The following PAQR5 variants were observed in gnomAD, a reference collection of about 807,000 sequenced individuals.
The protein encoded by PAQR5 is membrane progestin receptor gamma.
Under a neutral mutation model 34.5 loss-of-function variants are expected in PAQR5, and 20 were observed. That is an observed-to-expected ratio of 0.58 (90% CI 0.41 to 0.84). PAQR5 has a LOEUF of 0.84. PAQR5 is among the 40% of genes least tolerant of loss of function. The probability of loss-of-function intolerance (pLI) is 0.00; values close to 1 mark genes in which losing one functional copy is unlikely to be tolerated. For synonymous variants in PAQR5, 131 were observed against 155.6 expected (o/e 0.84, Z 1.18); for missense variants, 378 against 412.7 (o/e 0.92, Z 0.73).
chr15:69,323,965 A>T (rs1217809588), intron 1 of PAQR5, among the ~76,000 whole-genome samples: 2 of 152,156 alleles, frequency 1.3e-5, no homozygotes, highest in South Asian at 4.1e-4. Context: ...CCCACGGTAC[A>T]GTTTTGCATG....
Position 69,324,039 on chromosome 15 carries a change from C to T in PAQR5, c.-276-13302C>T, listed in dbSNP as rs558450508. ...AATGTGGATTGTTTTCCATTTTTCT[C>T]TGCAATGTGCTAGGGAATATCATTC... On this transcript the variant is annotated intron_variant, in intron 1 of 8. Coordinates refer to ENST00000395407, the MANE Select transcript of PAQR5 (RefSeq NM_017705.4). Among the ~76,000 whole-genome samples the T allele has an allele frequency of 4.6e-4, 69 of 150,090 alleles. 1 individual carries two copies. The highest frequency in any genetic ancestry group is 1.5e-3 in the African/African-American group (62 of 40,856).
chr15:69,349,099 C>T (rs1177294102), intron 2 of PAQR5, among the ~76,000 whole-genome samples: 2 of 151,916 alleles, frequency 1.3e-5, no homozygotes, highest in Admixed American at 6.6e-5. Flanking sequence ...GCTTGTGAGT[C>T]GGTGGACTGC....
Position 69,305,281 on chromosome 15 carries a change from A to G in PAQR5, c.-277+6225A>G, listed in dbSNP as rs181201335. Among the ~76,000 whole-genome samples the G allele has an allele frequency of 1.2e-4, 18 of 151,822 alleles. No individual in the cohort carries two copies. The East Asian group carries it at 3.5e-3, about 30-fold the overall frequency. ...CGGGGACACTCCATCTCTGGTTGAG[A>G]CCCCTGGGATCAATGATCTATGAAG... On this transcript the variant is annotated intron_variant, in intron 1 of 8. Coordinates refer to ENST00000395407, the MANE Select transcript of PAQR5 (RefSeq NM_017705.4).
chr15:69,379,082 T>C (rs1346895583), intron 3 of PAQR5, among the ~76,000 whole-genome samples: 1 of 152,230 alleles, frequency 6.6e-6, no homozygotes, highest in Non-Finnish European at 1.5e-5. Context: ...GTAAACTTCA[T>C]TTTCCCAAGC....
In PAQR5 at chr15:69,407,368, A is replaced by T. The variant is rs1217838423; in HGVS notation, c.*3546A>T. The T allele has an allele frequency of 6.6e-6, 1 of 152,206 alleles. No individual in the cohort carries two copies. Among genetic ancestry groups the T allele is most frequent in the Non-Finnish European group, 1.5e-5 (1 of 68,062 alleles). 9.4% of individuals were successfully genotyped at this position (152,206 alleles called of 1,614,324 possible). On this transcript the variant is annotated 3_prime_UTR_variant, in exon 9 of 9. Coordinates refer to ENST00000395407, the MANE Select transcript of PAQR5 (RefSeq NM_017705.4). ...GGCTTAGAATTCCTGAATTCAAGTGATTTGTCTGCCTCAGGCTCCCAAAGT... is the reference window on the plus strand; with the variant it reads ...GGCTTAGAATTCCTGAATTCAAGTGTTTTGTCTGCCTCAGGCTCCCAAAGT...
At chr15:69,365,277 TTG>T (rs2055371531) in intron 3 of PAQR5, among the ~76,000 whole-genome samples, 1 of 151,690 alleles carries the variant, frequency 6.6e-6, no homozygotes, top group Non-Finnish European at 1.5e-5. Flanking sequence ...TGGCTAATTT[TTG>T]TATTTTTTAA....
intron 1 of PAQR5, among the ~76,000 whole-genome samples, chr15:69,333,321 G>A (rs1270560015): frequency 6.6e-6 from 1 of 152,130 alleles, no homozygotes; most frequent in Non-Finnish European, 1.5e-5. Context: ...GCTCTGTTCT[G>A]TTTTTCACTG....
intron 2 of PAQR5, among the ~76,000 whole-genome samples, chr15:69,341,157 A>T (rs1030759857): frequency 1.3e-5 from 2 of 151,680 alleles, no homozygotes; most frequent in African/African-American, 4.8e-5. Context: ...TATCCCTTAA[A>T]CACTAATTCC....
At position 69,300,940 on chromosome 15, in the gene PAQR5, T is replaced by TCTTTCC. The variant is rs1555411138; in HGVS notation, c.-277+1884_-277+1885insCTTTCC. Among the ~76,000 whole-genome samples the TCTTTCC allele has an allele frequency of 2.2e-4, 8 of 35,566 alleles. 3 individuals are homozygous for TCTTTCC. Among genetic ancestry groups the TCTTTCC allele is most frequent in the Non-Finnish European group, 4.2e-4 (7 of 16,504 alleles). 23.3% of individuals were successfully genotyped at this position (35,566 alleles called of 152,430 possible). ...TTCTCTCTCTCTCTCTCTCTCTCTC[T>TCTTTCC]TTCTTTCCTTCTTTCTTTCTTTCTT... On this transcript the variant is annotated intron_variant, in intron 1 of 8. Transcript: ENST00000395407.
intron 1 of PAQR5, among the ~76,000 whole-genome samples, chr15:69,328,917 C>A (rs1373558105): frequency 6.6e-6 from 1 of 152,234 alleles, no homozygotes; most frequent in Non-Finnish European, 1.5e-5. Flanking sequence ...AGCCACCGGA[C>A]CAGTTTCCAG....
At chr15:69,345,190 G>A (rs139329513) in intron 2 of PAQR5, among the ~76,000 whole-genome samples, 3 of 152,058 alleles carry the variant, frequency 2.0e-5, no homozygotes, top group East Asian at 1.9e-4. Flanking sequence ...CAGTGGAAAA[G>A]CTATTTTAAA....
chr15:69,324,927 C>T (rs367706497), intron 1 of PAQR5, among the ~76,000 whole-genome samples: 6 of 145,274 alleles, frequency 4.1e-5, no homozygotes, highest in African/African-American at 1.5e-4. Flanking sequence ...GAGGTAGAGT[C>T]TTGCTCTGTT....
At chr15:69,319,474 G>T (rs2054044647) in intron 1 of PAQR5, among the ~76,000 whole-genome samples, 1 of 151,696 alleles carries the variant, frequency 6.6e-6, no homozygotes, top group Admixed American at 6.6e-5. Context: ...GCTGAGCATG[G>T]GACTCACCAC....
In PAQR5 at chr15:69,339,168, A is replaced by ACCCCCCCCCCCCCC. The variant is rs111647955; in HGVS notation, c.-116+1668_-116+1669insCCCCCCCCCCCCCC. Among the ~76,000 whole-genome samples, 62 of 134,040 alleles carry ACCCCCCCCCCCCCC rather than the reference A, an allele frequency of 4.6e-4. 6 individuals are homozygous for ACCCCCCCCCCCCCC. Among genetic ancestry groups the ACCCCCCCCCCCCCC allele is most frequent in the Non-Finnish European group, 8.1e-4 (49 of 60,286 alleles). 87.9% of individuals were successfully genotyped at this position (134,040 alleles called of 152,430 possible). ...AGTCACCACTCCTGGCCCACTGGCTACACCCCCCACCCCGCCACCAAGTTA... is the reference window on the plus strand; with the variant it reads ...AGTCACCACTCCTGGCCCACTGGCTACCCCCCCCCCCCCCCACCCCCCACCCCGCCACCAAGTTA... On this transcript the variant is annotated intron_variant, in intron 2 of 8. Transcript: ENST00000395407.
intron 1 of PAQR5, among the ~76,000 whole-genome samples, chr15:69,322,646 C>G (rs1251496743): frequency 2.3e-5 from 2 of 87,718 alleles, no homozygotes; most frequent in Non-Finnish European, 3.9e-5. Flanking sequence ...CAGAGTGAGA[C>G]CCTGTCTCAA....
intron 1 of PAQR5, among the ~76,000 whole-genome samples, chr15:69,334,296 G>A (rs1169478466): frequency 6.6e-6 from 1 of 152,142 alleles, no homozygotes; most frequent in African/African-American, 2.4e-5. Flanking sequence ...CCAAAGTGCT[G>A]GGATAACAGG....
At chr15:69,381,289 A>G (rs1354696877) in intron 4 of PAQR5, among the ~76,000 whole-genome samples, 1 of 151,984 alleles carries the variant, frequency 6.6e-6, no homozygotes, top group Non-Finnish European at 1.5e-5. Flanking sequence ...TTTCTGGGGG[A>G]CCCAGGAGCA....
chr15:69,328,333 T>C (rs916515623), intron 1 of PAQR5, among the ~76,000 whole-genome samples: 4 of 152,244 alleles, frequency 2.6e-5, no homozygotes, highest in Admixed American at 6.5e-5. Context: ...AGACCAAGGC[T>C]GAGAAAGTTA....
intron 3 of PAQR5, among the ~76,000 whole-genome samples, chr15:69,377,568 T>C (rs1321329174): frequency 6.6e-6 from 1 of 152,232 alleles, no homozygotes; most frequent in Non-Finnish European, 1.5e-5. Context: ...CTCCCTCTAG[T>C]TGAGCAGTTC....
Sources: allele counts gnomAD v4.1 joint callset (sites outside exome capture counted in the v4.1 genomes callset), GRCh38; gene constraint gnomAD v4.1.1; transcripts MANE v1.5; gene names NCBI Gene and HGNC (gene_info 2026-07-23, HGNC 2026-07-21).